Variants in PPP2R2B observed in about 807,000 individuals in gnomAD.
PPP2R2B encodes protein phosphatase 2 regulatory subunit Bbeta, also known as serine/threonine-protein phosphatase 2A 55 kDa regulatory subunit B beta isoform.
In PPP2R2B, 5 loss-of-function variants were observed where a neutral mutation model predicts 46.0. The observed-to-expected ratio is 0.11, with a 90% CI of 0.06 to 0.23. The LOEUF is 0.23. Ranked by LOEUF, PPP2R2B falls within the 10% of genes least tolerant of loss-of-function variation. PPP2R2B has a pLI of 1.00. For missense variants in PPP2R2B, 367 were observed against 575.0 expected (o/e 0.64, Z 3.70); for synonymous variants, 215 against 206.7 (o/e 1.04, Z -0.34).
chr5:146,980,313 A>G (rs1027211049), intron 1 of PPP2R2B, among the ~76,000 whole-genome samples: 1 of 152,242 alleles, frequency 6.6e-6, no homozygotes, highest in Non-Finnish European at 1.5e-5. Context: ...AAGTTTTCTG[A>G]GCACAATGAA....
At chr5:146,654,786 C>T (rs1358502651) in intron 5 of PPP2R2B, among the ~76,000 whole-genome samples, 2 of 152,196 alleles carry the variant, frequency 1.3e-5, no homozygotes, top group Non-Finnish European at 2.9e-5. Flanking sequence ...TCCGGGGTTG[C>T]TTGCACAGCC....
At chr5:147,052,742 C>A (rs919296119) in intron 1 of PPP2R2B, among the ~76,000 whole-genome samples, 1 of 152,006 alleles carries the variant, frequency 6.6e-6, no homozygotes, top group African/African-American at 2.4e-5. Flanking sequence ...GCCCCGCTTG[C>A]CATGGAAACC....
At chr5:147,045,003 T>C (rs539693565) in intron 1 of PPP2R2B, among the ~76,000 whole-genome samples, 1 of 152,318 alleles carries the variant, frequency 6.6e-6, no homozygotes, top group South Asian at 2.1e-4. Context: ...AATGTGTTTC[T>C]GCCACTGCTT....
At chr5:147,070,692 G>A (rs1361133437) in intron 2 of PPP2R2B, among the ~76,000 whole-genome samples, 1 of 152,122 alleles carries the variant, frequency 6.6e-6, no homozygotes, top group Non-Finnish European at 1.5e-5. Context: ...CAATAGAACT[G>A]GTTAAGCCTT....
chr5:146,597,027 T>C (rs1771240526), intron 8 of PPP2R2B, among the ~76,000 whole-genome samples: 1 of 152,200 alleles, frequency 6.6e-6, no homozygotes, highest in Middle Eastern at 3.2e-3. Flanking sequence ...CAGTGTTGGG[T>C]AGCTGGGCTC....
chr5:146,748,309 G>C (rs1462949308), intron 2 of PPP2R2B, among the ~76,000 whole-genome samples: 1 of 151,996 alleles, frequency 6.6e-6, no homozygotes, highest in South Asian at 2.1e-4. Flanking sequence ...GCAATTGTAA[G>C]AAATAATAGA....
chr5:146,779,580 T>A (rs975681705), intron 2 of PPP2R2B, among the ~76,000 whole-genome samples: 2 of 152,170 alleles, frequency 1.3e-5, no homozygotes. Flanking sequence ...GGGGAGAAGA[T>A]AAAATTTAAT....
intron 2 of PPP2R2B, among the ~76,000 whole-genome samples, chr5:146,796,429 A>G (rs1228100345): frequency 6.6e-6 from 1 of 152,158 alleles, no homozygotes; most frequent in Non-Finnish European, 1.5e-5. Flanking sequence ...GTGGCATCTG[A>G]CTGCTCTAGT....
At chr5:146,650,413 A>G in intron 6 of PPP2R2B, 134 bp downstream of exon 6, 1 of 725,080 alleles carries the variant, frequency 1.4e-6, no homozygotes. Context: ...CATAGGTGCC[A>G]GTGTATTTTA....
intron 1 of PPP2R2B, among the ~76,000 whole-genome samples, chr5:146,958,513 C>T (rs1402483262): frequency 1.3e-5 from 2 of 152,164 alleles, no homozygotes; most frequent in Admixed American, 6.6e-5. Context: ...AATATTTATT[C>T]ATCACTCTTC....
intron 2 of PPP2R2B, among the ~76,000 whole-genome samples, chr5:146,830,710 G>C (rs1220315019): frequency 6.6e-6 from 1 of 152,078 alleles, no homozygotes; most frequent in Non-Finnish European, 1.5e-5. Context: ...GACCTCAAGT[G>C]ATCCACCCAC....
chr5:147,051,907 G>A (rs1381952026), intron 1 of PPP2R2B, among the ~76,000 whole-genome samples: 1 of 150,846 alleles, frequency 6.6e-6, no homozygotes, highest in Admixed American at 6.6e-5. Context: ...GGACTACAGG[G>A]GCCCACCACC....
chr5:146,777,260 G>A (rs1034906131), intron 2 of PPP2R2B, among the ~76,000 whole-genome samples: 6 of 152,060 alleles, frequency 3.9e-5, no homozygotes, highest in Non-Finnish European at 8.8e-5. Context: ...ATAAAATGTG[G>A]CGCATATGTA....
At chr5:146,746,191 C>T (rs757353377) in intron 2 of PPP2R2B, among the ~76,000 whole-genome samples, 7 of 152,254 alleles carry the variant, frequency 4.6e-5, no homozygotes, top group South Asian at 4.2e-4. Context: ...CGGCTTTCCA[C>T]CACTGTGCAT....
At chr5:146,628,603 C>T (rs979244178) in intron 7 of PPP2R2B, among the ~76,000 whole-genome samples, 3 of 152,120 alleles carry the variant, frequency 2.0e-5, no homozygotes, top group East Asian at 1.9e-4. Flanking sequence ...GATGGAAGCT[C>T]GAGGGGCAGG....
At chr5:147,029,377 C>T (rs910492452) in intron 1 of PPP2R2B, among the ~76,000 whole-genome samples, 1 of 152,144 alleles carries the variant, frequency 6.6e-6, no homozygotes, top group Admixed American at 6.5e-5. Context: ...TTTCTCCACA[C>T]CATTTATTGA....
intron 7 of PPP2R2B, among the ~76,000 whole-genome samples, chr5:146,609,096 C>G (rs988045235): frequency 2.0e-5 from 3 of 151,936 alleles, no homozygotes; most frequent in Non-Finnish European, 4.4e-5. Flanking sequence ...GGAATTTATC[C>G]CAGGGATGCA....
rs1004238937 is a variant in PPP2R2B, at chr5:146,593,024, A to G, written c.999T>C (p.Tyr333=). Residue 333 remains tyrosine, a synonymous_variant, in exon 9 of 10, where the codon TAT becomes TAC. Transcript: ENST00000394411. ...DYLRSKLCSL[Y]ENDCIFDKFE... is the part of the protein sequence containing the mutation. Reference sequence around the variant, plus strand: ...ATTTATCAAAAATGCAGTCATTTTCATAGAGGGAACACAGCTTGCTGCGGA... The same window carrying G: ...ATTTATCAAAAATGCAGTCATTTTCGTAGAGGGAACACAGCTTGCTGCGGA... The G allele has an allele frequency of 7.4e-6, 12 of 1,613,970 alleles. No individual in the cohort carries two copies. The highest frequency in any genetic ancestry group is 2.2e-5 in the East Asian group (1 of 44,896).
chr5:146,593,768 GGAGT>G (rs1397838128), intron 8 of PPP2R2B, among the ~76,000 whole-genome samples: 2 of 152,172 alleles, frequency 1.3e-5, no homozygotes, highest in Non-Finnish European at 2.9e-5. Context: ...TGGTGGGAGA[GGAGT>G]GAGTAAGCAG....
Sources: allele counts gnomAD v4.1 joint callset (sites outside exome capture counted in the v4.1 genomes callset), GRCh38; gene constraint gnomAD v4.1.1; transcripts MANE v1.5; gene names NCBI Gene and HGNC (gene_info 2026-07-23, HGNC 2026-07-21).